The following SLC7A2 variants were observed in gnomAD, a reference collection of about 807,000 sequenced individuals.
SLC7A2 encodes the protein cationic amino acid transporter 2.
Under a neutral mutation model 58.9 loss-of-function variants are expected in SLC7A2, and 48 were observed. That is an observed-to-expected ratio of 0.82 (90% CI 0.65 to 1.04). SLC7A2 has a LOEUF of 1.04. SLC7A2 is among the 50% of genes least tolerant of loss of function. SLC7A2 has a pLI of 0.00. For synonymous variants in SLC7A2, 363 were observed against 314.5 expected (o/e 1.15, Z -1.63); for missense variants, 1,029 against 818.8 (o/e 1.26, Z -3.13).
intron 1 of SLC7A2, chr8:17,500,376 T>G (rs919773480): frequency 3.3e-5 from 5 of 152,218 alleles, no homozygotes; most frequent in Admixed American, 6.5e-5. Flanking sequence ...TTTCTAGCTC[T>G]TGTTTTAGAA....
At chr8:17,519,427 C>T (rs989604723) in intron 2 of SLC7A2, among the ~76,000 whole-genome samples, 1 of 152,106 alleles carries the variant, frequency 6.6e-6, no homozygotes, top group African/African-American at 2.4e-5. Flanking sequence ...TGATTGAATT[C>T]TTTTTAAGCA....
chr8:17,549,810 T>C (rs1802360581), intron 5 of SLC7A2, among the ~76,000 whole-genome samples: 1 of 152,226 alleles, frequency 6.6e-6, no homozygotes, highest in Non-Finnish European at 1.5e-5. Context: ...TATAATAAAA[T>C]ATTCAATTTC....
intron 4 of SLC7A2, among the ~76,000 whole-genome samples, chr8:17,545,664 C>G (rs1802137574): frequency 6.6e-6 from 1 of 152,172 alleles, no homozygotes; most frequent in Admixed American, 6.5e-5. Context: ...TCCCAAAGTG[C>G]TGGGATTACA....
chr8:17,561,972 G>C lies in SLC7A2; in HGVS notation c.1533G>C (p.Leu511Phe). 6.2e-7 allele frequency: 1 copy of C among 1,614,062 alleles called. No homozygotes were observed. Among genetic ancestry groups the C allele is most frequent in the Non-Finnish European group, 8.5e-7 (1 of 1,180,022 alleles). ...TCCTCGTGTTGGGCCTGAGTGTCTTGACCACTTACGGAGTTCATGCCATCA... is the reference window on the plus strand; with the variant it reads ...TCCTCGTGTTGGGCCTGAGTGTCTTCACCACTTACGGAGTTCATGCCATCA... ...LAFLVLGLSV[L>F]TTYGVHAITR... Residue 511 changes from leucine (L) to phenylalanine (F), a missense_variant, in exon 11 of 13, where the codon TTG becomes TTC. Leu to Phe is a conservative substitution (Grantham distance 22, BLOSUM62 0). Coordinates refer to ENST00000494857, the MANE Select transcript of SLC7A2 (RefSeq NM_001370338.1).
intron 2 of SLC7A2, among the ~76,000 whole-genome samples, chr8:17,535,688 A>C (rs1246240219): frequency 6.6e-6 from 1 of 152,170 alleles, no homozygotes; most frequent in East Asian, 1.9e-4. Context: ...GGATCACTTG[A>C]GGTAGGGAGT....
chr8:17,561,798 G>T (rs1585272212), intron 10 of SLC7A2, 146 bp from the exon 11 acceptor site: 1 of 712,510 alleles, frequency 1.4e-6, no homozygotes, highest in Admixed American at 2.5e-5. Flanking sequence ...CAATGAAAAA[G>T]AAGAAAGGGC....
intron 8 of SLC7A2, among the ~76,000 whole-genome samples, chr8:17,556,615 AT>A (rs11373033): frequency 1.3e-4 from 19 of 148,060 alleles, no homozygotes; most frequent in African/African-American, 1.5e-4. Context: ...GCAATGAAGA[AT>A]TTTTTTTTTT....
chr8:17,519,266 C>T (rs1585199996), intron 2 of SLC7A2, among the ~76,000 whole-genome samples: 3 of 152,306 alleles, frequency 2.0e-5, no homozygotes, highest in Middle Eastern at 3.4e-3. Context: ...ATATGTAATA[C>T]ACTTAGCCTA....
chr8:17,501,650 T>C (rs1387596063), intron 1 of SLC7A2, among the ~76,000 whole-genome samples: 3 of 152,114 alleles, frequency 2.0e-5, no homozygotes, highest in African/African-American at 7.2e-5. Context: ...AGCTGGAGCA[T>C]TCTAGTGCTG....
rs1309768201 is a variant in SLC7A2 at position 17,566,126 on chromosome 8, C to G, written c.*980C>G. On this transcript the variant is annotated 3_prime_UTR_variant, in exon 13 of 13. Coordinates refer to ENST00000494857, the MANE Select transcript of SLC7A2 (RefSeq NM_001370338.1). ...TAAAAAGTGACTTAAAATAAGCCAA[C>G]AGACTCTCCCAGACCACACAACTAG... 2 of 152,234 alleles carry G rather than the reference C, an allele frequency of 1.3e-5. No homozygotes were observed. The highest frequency in any genetic ancestry group is 1.3e-4 in the Admixed American group (2 of 15,284). The allele number at this position is 152,234 out of a possible 1,614,324, so 9.4% of individuals were successfully genotyped here.
intron 2 of SLC7A2, among the ~76,000 whole-genome samples, chr8:17,528,881 A>C (rs1387107838): frequency 3.3e-5 from 5 of 152,174 alleles, no homozygotes; most frequent in African/African-American, 1.2e-4. Flanking sequence ...TGAGAGCTGC[A>C]TAAGGAGAAG....
In SLC7A2 at chr8:17,544,330, G is replaced by C. The variant is rs1044517208; in HGVS notation, c.377-121G>C. On this transcript the variant is annotated intron_variant, in intron 3 of 12. Transcript: ENST00000494857. The stretch of plus-strand genomic sequence containing the variant: ...GTATGATTATAAATATCCAGATACT[G>C]TATATGTGATTAAAATTTTCAATCT... 1.9e-5 allele frequency: 14 copies of C among 743,846 alleles called. No homozygotes were observed. In the African/African-American group the frequency reaches 2.1e-4, roughly 11 times the overall value. 46.1% of individuals were successfully genotyped at this position (743,846 alleles called of 1,614,324 possible).
intron 1 of SLC7A2, chr8:17,498,795 G>C (rs978743194): frequency 1.3e-5 from 2 of 152,310 alleles, no homozygotes; most frequent in East Asian, 3.9e-4. Flanking sequence ...AGTGGGCATA[G>C]CTCTTTTCAT....
chr8:17,530,333 T>C (rs1269841060), intron 2 of SLC7A2, among the ~76,000 whole-genome samples: 3 of 151,920 alleles, frequency 2.0e-5, no homozygotes, highest in Non-Finnish European at 2.9e-5. Flanking sequence ...GGGGGCAAGG[T>C]GGGGGCAGCT....
At chr8:17,506,102 G>C (rs958746834) in intron 2 of SLC7A2, among the ~76,000 whole-genome samples, 1 of 152,190 alleles carries the variant, frequency 6.6e-6, no homozygotes, top group Non-Finnish European at 1.5e-5. Context: ...CGTTGCATTT[G>C]TGGCATAGTG....
Position 17,543,499 on chromosome 8 carries a change from G to A in SLC7A2, c.160G>A (p.Val54Ile). 6.2e-7 allele frequency: 1 copy of A among 1,614,078 alleles called. No homozygotes were observed. Among genetic ancestry groups the A allele is most frequent in the South Asian group, 1.1e-5 (1 of 91,074 alleles). ...AAGCACCCTTGGGGCCGGGGTTTAT[G>A]TCCTCGCTGGGGAGGTGGCCAAGGC... ...VGSTLGAGVY[V>I]LAGEVAKADS... Residue 54 changes from valine (V) to isoleucine (I), a missense_variant, in exon 3 of 13, where the codon GTC becomes ATC. Transcript: ENST00000494857.
rs1563470754 is a variant in SLC7A2 at position 17,548,762 on chromosome 8, T to TG, written c.619dup (p.Val207GlyfsTer15). 1.2e-6 allele frequency: 2 copies of TG among 1,613,906 alleles called. No individual in the cohort carries two copies. Among genetic ancestry groups the TG allele is most frequent in the African/African-American group, 2.7e-5 (2 of 74,930 alleles). ...AATATTCTCGTCCTTCTGTTTGTGATGGTTGCTGGGTTTGTGAAAGGAAAT... is the reference window on the plus strand; with the variant it reads ...AATATTCTCGTCCTTCTGTTTGTGATGGGTTGCTGGGTTTGTGAAAGGAAAT... On this transcript the variant is annotated frameshift_variant, in exon 5 of 13. Coordinates refer to ENST00000494857, the MANE Select transcript of SLC7A2 (RefSeq NM_001370338.1). LOFTEE classifies it high-confidence loss of function.
chr8:17,533,148 T>G (rs1801527297), intron 2 of SLC7A2, among the ~76,000 whole-genome samples: 1 of 152,194 alleles, frequency 6.6e-6, no homozygotes, highest in Non-Finnish European at 1.5e-5. Flanking sequence ...TGGGAGTATT[T>G]TATTCAGATT....
upstream of SLC7A2, among the ~76,000 whole-genome samples, chr8:17,496,150 G>A (rs995018430): frequency 6.6e-6 from 1 of 152,092 alleles, no homozygotes; most frequent in Non-Finnish European, 1.5e-5. Context: ...GTAATAGGCC[G>A]GGCATGGTGG....
Sources: allele counts gnomAD v4.1 joint callset (sites outside exome capture counted in the v4.1 genomes callset), GRCh38; gene constraint gnomAD v4.1.1; transcripts MANE v1.5; gene names NCBI Gene and HGNC (gene_info 2026-07-23, HGNC 2026-07-21).